Variants in MORC1 observed in about 807,000 individuals in gnomAD.
MORC1 encodes MORC family CW-type zinc finger protein 1.
Under a neutral mutation model 134.9 loss-of-function variants are expected in MORC1, and 59 were observed. That is an observed-to-expected ratio of 0.44 (90% CI 0.35 to 0.54). The LOEUF (loss-of-function observed/expected upper bound fraction) is 0.54, where lower values mean the gene tolerates loss of function less well. Among genes scored for constraint, MORC1 ranks in the 20% least tolerant of loss-of-function variants. The pLI is 0.00. For missense variants in MORC1, 947 were observed against 1,134.5 expected, an observed-to-expected ratio of 0.83 and a Z score of 2.37; for synonymous variants, 395 against 391.7, an observed-to-expected ratio of 1.01 and a Z score of -0.10.
chr3:109,051,529 A>AT (rs1559921156), intron 14 of MORC1, among the ~76,000 whole-genome samples: 1 of 152,108 alleles, frequency 6.6e-6, no homozygotes, highest in Non-Finnish European at 1.5e-5. Context: ...AAGTTTGAGG[A>AT]TGAAGTGAAA....
At chr3:109,112,693 G>C (rs923515429) in intron 2 of MORC1, among the ~76,000 whole-genome samples, 2 of 152,228 alleles carry the variant, frequency 1.3e-5, no homozygotes, top group African/African-American at 4.8e-5. Flanking sequence ...ATCTTTCAAG[G>C]AAGGCAGAGG....
At chr3:109,067,103 A>T (rs1417053576) in intron 9 of MORC1, among the ~76,000 whole-genome samples, 31 of 152,116 alleles carry the variant, frequency 2.0e-4, no homozygotes, top group Admixed American at 2.0e-3. Flanking sequence ...CAACAAGAGA[A>T]CATAGCGTTA....
In MORC1 at chr3:109,072,524, G is replaced by A. The variant is rs144407538; in HGVS notation, c.690-2767C>T. Among the ~76,000 whole-genome samples the A allele has an allele frequency of 5.4e-3, 818 of 152,212 alleles. 18 individuals carry two copies. The highest frequency in any genetic ancestry group is 0.019 in the African/African-American group (770 of 41,530). On this transcript the variant is annotated intron_variant, in intron 8 of 27. Transcript: ENST00000232603. ...TGGCTGTGAGATCCATGAAGCTAGC[G>A]CTCTCATCAATAAAAATATGTTGAA...
chr3:109,051,255 C>G (rs991730911), intron 14 of MORC1, among the ~76,000 whole-genome samples: 6 of 152,172 alleles, frequency 3.9e-5, no homozygotes, highest in Non-Finnish European at 7.3e-5. Flanking sequence ...TCGATTTTTA[C>G]AAGGACCCAA....
intron 14 of MORC1, among the ~76,000 whole-genome samples, chr3:109,052,673 T>TCACAA (rs1366491239): frequency 1.9e-4 from 29 of 152,274 alleles, no homozygotes; most frequent in African/African-American, 5.8e-4. Context: ...AATTACAACT[T>TCACAA]CAAGTGAAGA....
intron 16 of MORC1, among the ~76,000 whole-genome samples, chr3:109,028,241 C>G (rs1464060025): frequency 2.0e-5 from 3 of 147,048 alleles, no homozygotes; most frequent in East Asian, 1.9e-4. Flanking sequence ...ATTTCCCCCC[C>G]CAAAAAAGGT....
intron 23 of MORC1, among the ~76,000 whole-genome samples, chr3:108,982,896 T>C (rs1393799578): frequency 1.3e-5 from 2 of 151,928 alleles, no homozygotes; most frequent in African/African-American, 4.8e-5. Flanking sequence ...GGATTATTTT[T>C]GCTTCTTCGT....
intron 21 of MORC1, among the ~76,000 whole-genome samples, chr3:108,998,960 C>A (rs567451964): frequency 6.6e-6 from 1 of 152,260 alleles, no homozygotes; most frequent in South Asian, 2.1e-4. Context: ...GTGTGCAAAG[C>A]TGAGAGAGGT....
chr3:109,092,233 T>C (rs1164251326), intron 8 of MORC1, among the ~76,000 whole-genome samples: 1 of 151,860 alleles, frequency 6.6e-6, no homozygotes, highest in East Asian at 1.9e-4. Context: ...GAATATTTTT[T>C]TCCAAAAGAA....
chr3:108,965,510 A>G (rs1947195397), intron 26 of MORC1, among the ~76,000 whole-genome samples: 1 of 152,196 alleles, frequency 6.6e-6, no homozygotes, highest in Non-Finnish European at 1.5e-5. Flanking sequence ...GGAAGGCCTG[A>G]GTGGATATGA....
intron 24 of MORC1, among the ~76,000 whole-genome samples, chr3:108,976,273 G>C (rs1299701240): frequency 6.6e-6 from 1 of 152,100 alleles, no homozygotes; most frequent in Non-Finnish European, 1.5e-5. Flanking sequence ...CAAATGGAGG[G>C]AACACCCTTT....
chr3:109,002,499 T>C (rs535781556), intron 20 of MORC1, among the ~76,000 whole-genome samples: 1 of 152,276 alleles, frequency 6.6e-6, no homozygotes, highest in East Asian at 1.9e-4. Context: ...GACACACGCA[T>C]TTAAGCAGTA....
intron 21 of MORC1, among the ~76,000 whole-genome samples, chr3:108,993,386 T>TTGTTTTTGTGTCTCTCCG (rs1319768017): frequency 6.6e-6 from 1 of 152,180 alleles, no homozygotes; most frequent in Non-Finnish European, 1.5e-5. Context: ...ATATCACACA[T>TTGTTTTTGTGTCTCTCCG]TGTTTTTGTG....
chr3:109,085,089 G>C (rs1236886544), intron 8 of MORC1, among the ~76,000 whole-genome samples: 1 of 151,840 alleles, frequency 6.6e-6, no homozygotes, highest in Non-Finnish European at 1.5e-5. Context: ...CCAGGAAATT[G>C]ATCTGGGCAA....
At chr3:108,966,730 G>A (rs1947229650) in intron 26 of MORC1, among the ~76,000 whole-genome samples, 1 of 152,150 alleles carries the variant, frequency 6.6e-6, no homozygotes, top group African/African-American at 2.4e-5. Flanking sequence ...GCTCAATGGG[G>A]AAGGATTTCA....
intron 8 of MORC1, among the ~76,000 whole-genome samples, chr3:109,084,251 C>CA (rs528477469): frequency 1.7e-3 from 266 of 152,016 alleles, no homozygotes; most frequent in Non-Finnish European, 3.3e-3. Flanking sequence ...CTTATATTTA[C>CA]AAAAAACTAA....
intron 26 of MORC1, among the ~76,000 whole-genome samples, chr3:108,966,282 T>C (rs1012240628): frequency 6.6e-6 from 1 of 152,226 alleles, no homozygotes; most frequent in South Asian, 2.1e-4. Context: ...TTTAATTTTC[T>C]ACCTTGAATT....
At chr3:108,968,761 T>TG (rs34461995) in intron 26 of MORC1, among the ~76,000 whole-genome samples, 60,914 of 151,914 alleles carry the variant, frequency 0.4, 12,696 homozygotes, top group Middle Eastern at 0.56. Flanking sequence ...GATGCACTAA[T>TG]ATGGAGCTAG....
Position 109,009,197 on chromosome 3 carries a change from G to GTTTTTTTTTTTTTTTTTTTT in MORC1, c.1705-2107_1705-2106insAAAAAAAAAAAAAAAAAAAA, listed in dbSNP as rs201228015. On this transcript the variant is annotated intron_variant, in intron 17 of 27. Coordinates refer to ENST00000232603, the MANE Select transcript of MORC1 (RefSeq NM_014429.4). The stretch of plus-strand genomic sequence containing the variant: ...TTCCTGAGTTCTTTCCTATTTTTAC[G>GTTTTTTTTTTTTTTTTTTTT]TTTTTTGTTGTTTTTTTTTTTTTTT... Among the ~76,000 whole-genome samples, 7 of 133,810 alleles carry GTTTTTTTTTTTTTTTTTTTT rather than the reference G, an allele frequency of 5.2e-5. 2 individuals are homozygous for GTTTTTTTTTTTTTTTTTTTT. Among genetic ancestry groups the GTTTTTTTTTTTTTTTTTTTT allele is most frequent in the Non-Finnish European group, 8.1e-5 (5 of 61,518 alleles). 87.8% of individuals were successfully genotyped at this position (133,810 alleles called of 152,430 possible).
Sources: allele counts gnomAD v4.1 joint callset (sites outside exome capture counted in the v4.1 genomes callset), GRCh38; gene constraint gnomAD v4.1.1; transcripts MANE v1.5; gene names NCBI Gene and HGNC (gene_info 2026-07-23, HGNC 2026-07-21).